Variants in NLRP8 observed in about 807,000 individuals in gnomAD.
The protein encoded by NLRP8 is NLR family pyrin domain containing 8, also known as NACHT, LRR and PYD domains-containing protein 8.
NLRP8 carries 86 observed loss-of-function variants against 88.7 expected under a neutral mutation model. The ratio of observed to expected loss-of-function variants is 0.97; its 90% CI spans 0.81 to 1.16. The LOEUF (loss-of-function observed/expected upper bound fraction) is 1.16, where lower values mean the gene tolerates loss of function less well. Ranked by LOEUF, NLRP8 falls within the 50% of genes most tolerant of loss-of-function variation. The pLI, the probability that NLRP8 is intolerant of heterozygous loss-of-function variation, is 0.00. For synonymous variants in NLRP8, 504 were observed against 494.6 expected, an observed-to-expected ratio of 1.02 and a Z score of -0.25; for missense variants, 1,342 against 1,286.5, an observed-to-expected ratio of 1.04 and a Z score of -0.66.
chr19:55,957,681 ATATATATATAT>A (rs1979432756), intron 3 of NLRP8, among the ~76,000 whole-genome samples: 1 of 2,756 alleles, frequency 3.6e-4, no homozygotes, highest in African/African-American at 5.9e-4. Flanking sequence ...AATTATATAT[ATATATATATAT>A]ATATATATAT....
intron 5 of NLRP8, among the ~76,000 whole-genome samples, chr19:55,969,429 A>G (rs528204093): frequency 1.3e-5 from 2 of 152,334 alleles, no homozygotes; most frequent in East Asian, 3.9e-4. Context: ...TGCAAAAGAC[A>G]TCATTTCATT....
chr19:55,954,220 C>G (rs1979225453), intron 2 of NLRP8, among the ~76,000 whole-genome samples: 1 of 152,164 alleles, frequency 6.6e-6, no homozygotes, highest in Non-Finnish European at 1.5e-5. Context: ...GCTGCTGGAC[C>G]TGAAACTATG....
rs1978949618 is a variant in NLRP8 at position 55,948,404 on chromosome 19, C to T, written c.367+135C>T. 3.3e-6 allele frequency: 3 copies of T among 917,106 alleles called. No homozygotes were observed. In the South Asian group the frequency reaches 5.2e-5, roughly 16 times the overall value. 56.8% of individuals were successfully genotyped at this position (917,106 alleles called of 1,614,324 possible). On this transcript the variant is annotated intron_variant, in intron 1 of 9. Transcript: ENST00000291971. ...CAGTGGAGGAAGATAATGGATCTAA[C>T]CCAAAGGCAAAGACTGTCATACGGG...
chr19:55,978,202 TA>T (rs1475765778), intron 8 of NLRP8, among the ~76,000 whole-genome samples: 1 of 152,096 alleles, frequency 6.6e-6, no homozygotes, highest in African/African-American at 2.4e-5. Flanking sequence ...TAATTTTTTT[TA>T]AATTTTTTTA....
chr19:55,981,925 T>C (rs918511064), intron 9 of NLRP8, among the ~76,000 whole-genome samples: 2 of 150,162 alleles, frequency 1.3e-5, no homozygotes, highest in Non-Finnish European at 2.9e-5. Context: ...TTTTTTGAGA[T>C]GGAGTCTCAC....
intron 6 of NLRP8, among the ~76,000 whole-genome samples, chr19:55,972,544 A>G (rs910456418): frequency 6.6e-6 from 1 of 151,680 alleles, no homozygotes; most frequent in African/African-American, 2.4e-5. Context: ...AGCAGTGTAC[A>G]CTGTACCCAA....
At chr19:55,972,801 GTGTGTGTA>G (rs1349242112) in intron 6 of NLRP8, among the ~76,000 whole-genome samples, 81 of 67,116 alleles carry the variant, frequency 1.2e-3, no homozygotes, top group African/African-American at 6.2e-3. Flanking sequence ...GTGTGTGTGT[GTGTGTGTA>G]TGTGTGTGTG....
intron 3 of NLRP8, among the ~76,000 whole-genome samples, chr19:55,957,168 A>C (rs1979391805): frequency 6.6e-6 from 1 of 152,302 alleles, no homozygotes; most frequent in Admixed American, 6.5e-5. Flanking sequence ...GTGATGATGA[A>C]GACATCCTGA....
chr19:55,972,805 GTGTA>G (rs142274619), intron 6 of NLRP8, among the ~76,000 whole-genome samples: 1,845 of 72,620 alleles, frequency 0.025, 29 homozygotes, highest in East Asian at 0.12. Flanking sequence ...GTGTGTGTGT[GTGTA>G]TGTGTGTGTG....
At chr19:55,972,494 T>C (rs776272828) in intron 6 of NLRP8, among the ~76,000 whole-genome samples, 9 of 152,034 alleles carry the variant, frequency 5.9e-5, no homozygotes, top group Non-Finnish European at 1.2e-4. Flanking sequence ...AATAAGCTTT[T>C]TCGTGGTGAT....
chr19:55,953,723 C>T (rs1979200294), intron 2 of NLRP8, among the ~76,000 whole-genome samples: 1 of 150,690 alleles, frequency 6.6e-6, no homozygotes, highest in East Asian at 2.0e-4. Context: ...TGGTCTCAAA[C>T]TCCTAACCTC....
chr19:55,987,794 C>G, intron 9 of NLRP8: 1 of 1,584,444 alleles, frequency 6.3e-7, no homozygotes, highest in Non-Finnish European at 8.7e-7. Flanking sequence ...AACCAGCAGC[C>G]TTCCTTTACC....
chr19:55,987,982 C>A lies in NLRP8; in HGVS notation c.*69C>A. 8.7e-7 allele frequency: 1 copy of A among 1,150,156 alleles called. No individual in the cohort carries two copies. Among genetic ancestry groups the A allele is most frequent in the Non-Finnish European group, 1.3e-6 (1 of 762,070 alleles). The allele number at this position is 1,150,156 out of a possible 1,614,324, so 71.2% of individuals were successfully genotyped here. A position where few individuals can be genotyped will look rare whatever the true frequency, so the allele number is the denominator to read the frequency against. Reference sequence around the variant, plus strand: ...ACTCTGACAACTGGCAAATACCAGGCGTTATCATCCTGTATGCATTAACGT... The same window carrying A: ...ACTCTGACAACTGGCAAATACCAGGAGTTATCATCCTGTATGCATTAACGT... On this transcript the variant is annotated 3_prime_UTR_variant, in exon 10 of 10. Transcript: ENST00000291971.
chr19:55,947,877 T>TG lies in NLRP8; in HGVS notation c.-25dup. ...AATCGGTTGTCTTTATCGTGGACACTGAGGTGTTCTCTGCCTTGACTAAAG... is the reference window on the plus strand; with the variant it reads ...AATCGGTTGTCTTTATCGTGGACACTGGAGGTGTTCTCTGCCTTGACTAAAG... On this transcript the variant is annotated 5_prime_UTR_variant, in exon 1 of 10. Coordinates refer to ENST00000291971, the MANE Select transcript of NLRP8 (RefSeq NM_176811.2). The TG allele has an allele frequency of 6.3e-7, 1 of 1,587,448 alleles. No homozygotes were observed. Among genetic ancestry groups the TG allele is most frequent in the Non-Finnish European group, 8.6e-7 (1 of 1,164,558 alleles).
chr19:55,966,312 G>T lies in NLRP8; in HGVS notation c.2313G>T (p.Val771=), dbSNP rs1225521052. Residue 771 remains valine (V), a synonymous_variant, in exon 5 of 10, where the codon GTG becomes GTT. Coordinates refer to ENST00000291971, the MANE Select transcript of NLRP8 (RefSeq NM_176811.2). The stretch of plus-strand genomic sequence containing the variant: ...ACTTGGAAATACAACATGTGGAAGT[G>T]GAGTCCAAAGCTGTGAAGCTTCTAT... The T allele has an allele frequency of 6.2e-7, 1 of 1,613,952 alleles. No homozygotes were observed. Among genetic ancestry groups the T allele is most frequent in the African/African-American group, 1.3e-5 (1 of 74,920 alleles).
At position 55,957,670 on chromosome 19, in the gene NLRP8, TAATTATATATATATATATATATA is replaced by T. The variant is rs1252532470; in HGVS notation, c.2042+1571_2042+1593del. Reference sequence around the variant, plus strand: ...CACTATCTTAAAAAAGAAAAAATAATAATTATATATATATATATATATATATATATATATATATATATATATAT... The same window carrying T: ...CACTATCTTAAAAAAGAAAAAATAATTATATATATATATATATATATATAT... On this transcript the variant is annotated intron_variant, in intron 3 of 9. Transcript: ENST00000291971. Among the ~76,000 whole-genome samples the T allele has an allele frequency of 1.5e-3, 76 of 51,862 alleles. 4 individuals are homozygous for T. The highest frequency in any genetic ancestry group is 6.4e-3 in the African/African-American group (72 of 11,234). 34.0% of individuals were successfully genotyped at this position (51,862 alleles called of 152,430 possible).
intron 8 of NLRP8, among the ~76,000 whole-genome samples, chr19:55,978,266 T>C (rs1039061671): frequency 1.3e-5 from 2 of 152,178 alleles, no homozygotes; most frequent in Admixed American, 6.6e-5. Context: ...ATATACGTAA[T>C]GTTAAATGGC....
At chr19:55,978,936 T>A (rs1980461135) in intron 8 of NLRP8, among the ~76,000 whole-genome samples, 1 of 152,054 alleles carries the variant, frequency 6.6e-6, no homozygotes, top group African/African-American at 2.4e-5. Context: ...AAAAAAATTT[T>A]TTTTTAAAAA....
chr19:55,955,347 A>G lies in NLRP8; in HGVS notation c.1289A>G (p.Tyr430Cys), dbSNP rs1161904443. 1 of 1,614,168 alleles carries G rather than the reference A, an allele frequency of 6.2e-7. No homozygotes were observed. Residue 430 changes from tyrosine (Y) to cysteine (C), a missense_variant, in exon 3 of 10, where the codon TAT becomes TGT. Transcript: ENST00000291971. Reference sequence around the variant, plus strand: ...AATGCCACCTCTGTGTTCGTCCGGTATATTTCTAGCTTGTTTCCCACCAGA... The same window carrying G: ...AATGCCACCTCTGTGTTCGTCCGGTGTATTTCTAGCTTGTTTCCCACCAGA...
Sources: allele counts gnomAD v4.1 joint callset (sites outside exome capture counted in the v4.1 genomes callset), GRCh38; gene constraint gnomAD v4.1.1; transcripts MANE v1.5; gene names NCBI Gene and HGNC (gene_info 2026-07-23, HGNC 2026-07-21).